The following ERC1 variants were observed in gnomAD, a reference collection of about 807,000 sequenced individuals.
ERC1 encodes ELKS/RAB6-interacting/CAST family member 1, also known as RAB6 interacting protein 2.
In ERC1, 56 loss-of-function variants were observed where a neutral mutation model predicts 132.0. The ratio of observed to expected loss-of-function variants is 0.42; its 90% CI spans 0.34 to 0.53. The LOEUF is 0.53. Among genes scored for constraint, ERC1 ranks in the 20% least tolerant of loss-of-function variants. ERC1 has a pLI of 0.03. For missense variants in ERC1, 1,202 were observed against 1,349.9 expected (o/e 0.89, Z 1.72); for synonymous variants, 478 against 476.1 (o/e 1.00, Z -0.05).
At chr12:1,177,800 A>G (rs1310951094) in intron 8 of ERC1, among the ~76,000 whole-genome samples, 1 of 152,234 alleles carries the variant, frequency 6.6e-6, no homozygotes. Context: ...GGTTCCCACA[A>G]ACCTTCAGTT....
At chr12:1,425,823 C>T (rs190559579) in intron 17 of ERC1, among the ~76,000 whole-genome samples, 20 of 152,250 alleles carry the variant, frequency 1.3e-4, no homozygotes, top group African/African-American at 4.6e-4. Flanking sequence ...AAAATGTAGA[C>T]ACCTACTTAA....
At chr12:1,127,505 CTT>C (rs1386561232) in intron 7 of ERC1, among the ~76,000 whole-genome samples, 19 of 142,428 alleles carry the variant, frequency 1.3e-4, no homozygotes, top group Admixed American at 2.1e-4. Context: ...TCTATGTTTA[CTT>C]TTTTTTTTTT....
chr12:1,303,595 C>T (rs1234028042), intron 15 of ERC1, among the ~76,000 whole-genome samples: 2 of 150,800 alleles, frequency 1.3e-5, no homozygotes, highest in Admixed American at 6.6e-5. Flanking sequence ...GCTGAGATCT[C>T]GCCACTGCAC....
At position 1,189,875 on chromosome 12, in the gene ERC1, T is replaced by C. The variant is rs1475376366; in HGVS notation, c.2174T>C (p.Leu725Ser). Residue 725 changes from leucine to serine, a missense_variant, in exon 12 of 19, where the codon TTG (leucine) becomes TCG (serine). Transcript: ENST00000360905. ...TCTTTGTAGGCACATGAGGCAGCAT[T>C]GGAAGCCAGAGCCAGTCCAGAGATG... ...SQLKKAHEAA[L>S]EARASPEMSD... 1 of 1,607,552 alleles carries C rather than the reference T, an allele frequency of 6.2e-7. No individual in the cohort carries two copies. Among genetic ancestry groups the C allele is most frequent in the South Asian group, 1.1e-5 (1 of 90,462 alleles).
intron 18 of ERC1, among the ~76,000 whole-genome samples, chr12:1,475,122 T>C (rs1354657170): frequency 6.6e-6 from 1 of 152,238 alleles, no homozygotes; most frequent in African/African-American, 2.4e-5. Context: ...ACTTGTCCCG[T>C]ATTCCATCCC....
intron 11 of ERC1, among the ~76,000 whole-genome samples, chr12:1,187,810 A>T (rs1323704137): frequency 6.6e-6 from 1 of 152,186 alleles, no homozygotes; most frequent in African/African-American, 2.4e-5. Context: ...GACAAGACAG[A>T]CCTGTCCCTT....
Position 1,009,591 on chromosome 12 carries a change from A to G in ERC1, c.-156-18157A>G, listed in dbSNP as rs181016964. Among the ~76,000 whole-genome samples the G allele has an allele frequency of 3.6e-3, 518 of 144,496 alleles. 5 individuals carry two copies. The highest frequency in any genetic ancestry group is 0.013 in the African/African-American group (509 of 37,742). The allele number at this position is 144,496 out of a possible 152,430, so 94.8% of individuals were successfully genotyped here. A position where few individuals can be genotyped will look rare whatever the true frequency, so the allele number is the denominator to read the frequency against. On this transcript the variant is annotated intron_variant, in intron 1 of 18. Transcript: ENST00000360905. The stretch of plus-strand genomic sequence containing the variant: ...TGGGATTAAATGAAATATTGTGACA[A>G]GTGTTCACTGCATATAATACGTATT...
intron 15 of ERC1, among the ~76,000 whole-genome samples, chr12:1,368,864 C>A (rs756308209): frequency 6.6e-6 from 1 of 152,064 alleles, no homozygotes; most frequent in African/African-American, 2.4e-5. Context: ...ATAATCAAAA[C>A]ATTTTATTCT....
At chr12:1,010,683 T>TA (rs1964538862) in intron 1 of ERC1, among the ~76,000 whole-genome samples, 2 of 151,414 alleles carry the variant, frequency 1.3e-5, no homozygotes, top group African/African-American at 4.8e-5. Context: ...GCTAATTTTT[T>TA]TTTATTATTA....
intron 8 of ERC1, among the ~76,000 whole-genome samples, chr12:1,173,913 C>G (rs930310550): frequency 6.6e-6 from 1 of 151,644 alleles, no homozygotes; most frequent in Non-Finnish European, 1.5e-5. Flanking sequence ...CAGCTGTTAT[C>G]CATCGTGATG....
chr12:1,027,882 C>A lies in ERC1; in HGVS notation c.-22C>A, dbSNP rs144267759. The stretch of plus-strand genomic sequence containing the variant: ...GTTGTTGTTGTTGATTTTCTGCTCA[C>A]ACCTTTCCTGACCTTGCAACCATGT... On this transcript the variant is annotated 5_prime_UTR_variant, in exon 2 of 19. Coordinates refer to ENST00000360905, the MANE Select transcript of ERC1 (RefSeq NM_178040.4). 0.023 allele frequency: 35,922 copies of A among 1,570,894 alleles called. 477 individuals carry two copies. Among genetic ancestry groups the A allele is most frequent in the Non-Finnish European group, 0.028 (32,221 of 1,156,476 alleles).
chr12:1,032,460 A>G (rs1487988649), intron 2 of ERC1, among the ~76,000 whole-genome samples: 2 of 152,174 alleles, frequency 1.3e-5, no homozygotes, highest in Non-Finnish European at 2.9e-5. Context: ...CCATTTGCTC[A>G]GTGTGTCTCA....
At chr12:1,323,428 C>A (rs1027363266) in intron 15 of ERC1, among the ~76,000 whole-genome samples, 1 of 152,144 alleles carries the variant, frequency 6.6e-6, no homozygotes, top group African/African-American at 2.4e-5. Context: ...CTTCTGTACA[C>A]ATGTGGTATC....
At chr12:1,439,165 T>G (rs1295825564) in intron 17 of ERC1, among the ~76,000 whole-genome samples, 2 of 152,108 alleles carry the variant, frequency 1.3e-5, no homozygotes, top group African/African-American at 2.4e-5. Context: ...GACAGACGCT[T>G]CACTCTGCAC....
At chr12:1,073,635 C>T (rs966474298) in intron 2 of ERC1, among the ~76,000 whole-genome samples, 3 of 149,358 alleles carry the variant, frequency 2.0e-5, no homozygotes, top group African/African-American at 7.7e-5. Context: ...GGCGACAGAG[C>T]GAGACTCTGT....
In ERC1 at chr12:1,495,056, A is replaced by T. The variant is rs2094347332; in HGVS notation, c.*4826A>T. Reference sequence around the variant, plus strand: ...CAGGATTTTCCTATACATGTTCAGGACCTCTGGGTAGAGGTTTCACAGTTT... The same window carrying T: ...CAGGATTTTCCTATACATGTTCAGGTCCTCTGGGTAGAGGTTTCACAGTTT... On this transcript the variant is annotated 3_prime_UTR_variant, in exon 19 of 19. Transcript: ENST00000360905. 1 of 228,846 alleles carries T rather than the reference A, an allele frequency of 4.4e-6. No homozygotes were observed. The highest frequency in any genetic ancestry group is 1.8e-4 in the South Asian group (1 of 5,486). 14.2% of individuals were successfully genotyped at this position (228,846 alleles called of 1,614,324 possible). A position where few individuals can be genotyped will look rare whatever the true frequency, so the allele number is the denominator to read the frequency against.
At chr12:1,028,866 C>T (rs4765690) in intron 2 of ERC1, among the ~76,000 whole-genome samples, 138,882 of 145,808 alleles carry the variant, frequency 0.95, 66,347 homozygotes, top group South Asian at 1. Context: ...TTTTTTTTTT[C>T]CAATTCTTCT....
intron 1 of ERC1, among the ~76,000 whole-genome samples, chr12:1,019,682 A>G (rs952573290): frequency 1.1e-4 from 17 of 152,280 alleles, no homozygotes; most frequent in Non-Finnish European, 1.5e-5. Context: ...ACTGGTGTTG[A>G]GAATTGTTTA....
At chr12:1,320,795 G>A (rs1351222762) in intron 15 of ERC1, among the ~76,000 whole-genome samples, 1 of 152,106 alleles carries the variant, frequency 6.6e-6, no homozygotes, top group African/African-American at 2.4e-5. Context: ...TCTGCCTCCC[G>A]GGTTCACGTC....
Sources: gnomAD v4.1 joint callset for allele counts (sites outside exome capture counted in the v4.1 genomes callset) on GRCh38, gnomAD v4.1.1 for gene constraint, MANE v1.5 for transcripts, NCBI Gene and HGNC (gene_info 2026-07-23, HGNC 2026-07-21) for gene names.